Variants in VDR observed in about 807,000 individuals in gnomAD.
The protein encoded by VDR is vitamin D3 receptor.
Under a neutral mutation model 39.7 loss-of-function variants are expected in VDR, and 19 were observed. The ratio of observed to expected loss-of-function variants is 0.48; its 90% confidence interval spans 0.33 to 0.70. The LOEUF (loss-of-function observed/expected upper bound fraction) is 0.70, where lower values mean the gene tolerates loss of function less well. VDR is among the 30% of genes least tolerant of loss of function. VDR has a pLI of 0.02. For missense variants in VDR, 442 were observed against 570.5 expected (o/e 0.77, Z 2.29); for synonymous variants, 242 against 215.8 (o/e 1.12, Z -1.07).
chr12:47,859,338 C>T (rs148291621), intron 4 of VDR, among the ~76,000 whole-genome samples: 104 of 152,352 alleles, frequency 6.8e-4, no homozygotes, highest in African/African-American at 2.2e-3. Flanking sequence ...CTGATGACCA[C>T]GTCCAAACTA....
intron 1 of VDR, among the ~76,000 whole-genome samples, chr12:47,891,966 G>C (rs1946379412): frequency 6.6e-6 from 1 of 151,496 alleles, no homozygotes; most frequent in Non-Finnish European, 1.5e-5. Flanking sequence ...TGGGTGCCGA[G>C]GGGCTGGAGT....
chr12:47,857,374 G>A, intron 5 of VDR, 125 bp from the exon 6 acceptor site: 1 of 1,598,742 alleles, frequency 6.3e-7, no homozygotes, highest in South Asian at 1.1e-5. Context: ...AGTGCCAGGG[G>A]CAGAGCAGCC....
chr12:47,904,391 T>C (rs566782668), intron 1 of VDR, among the ~76,000 whole-genome samples: 1 of 146,414 alleles, frequency 6.8e-6, no homozygotes, highest in South Asian at 2.1e-4. Flanking sequence ...CCTCTGAACA[T>C]CTATTGACAG....
intron 3 of VDR, among the ~76,000 whole-genome samples, chr12:47,872,356 A>T (rs1239173940): frequency 6.6e-6 from 1 of 152,232 alleles, no homozygotes; most frequent in Non-Finnish European, 1.5e-5. Flanking sequence ...AGAAACTAGC[A>T]GAAAGAGGCA....
intron 1 of VDR, among the ~76,000 whole-genome samples, chr12:47,890,225 T>TTA (rs1946341977): frequency 6.6e-6 from 1 of 151,686 alleles, no homozygotes; most frequent in South Asian, 2.1e-4. Context: ...GTCAAGGAGC[T>TTA]TATCCCATAT....
chr12:47,884,879 T>C (rs1316101949), intron 1 of VDR, among the ~76,000 whole-genome samples: 1 of 151,982 alleles, frequency 6.6e-6, no homozygotes, highest in African/African-American at 2.4e-5. Flanking sequence ...TCTGGGAAAA[T>C]CCCATTCAAT....
At chr12:47,872,390 G>A (rs1565623586) in intron 3 of VDR, among the ~76,000 whole-genome samples, 2 of 152,208 alleles carry the variant, frequency 1.3e-5, no homozygotes, top group Non-Finnish European at 1.5e-5. Context: ...CTGAGAGTGG[G>A]TGAAAGTAGA....
intron 6 of VDR, 59 bp downstream of exon 6, chr12:47,857,070 G>T (rs1301375006): frequency 6.8e-6 from 11 of 1,610,684 alleles, no homozygotes; most frequent in South Asian, 1.1e-5. Context: ...CCCAGGGCAG[G>T]TGCGGTGGAC....
chr12:47,858,745 T>C (rs1193621796), intron 4 of VDR, among the ~76,000 whole-genome samples: 1 of 152,230 alleles, frequency 6.6e-6, no homozygotes, highest in African/African-American at 2.4e-5. Context: ...TGCCAGGGCA[T>C]CTGCCCACAG....
intron 3 of VDR, among the ~76,000 whole-genome samples, chr12:47,871,010 CA>C (rs1339114858): frequency 6.6e-6 from 1 of 152,052 alleles, no homozygotes; most frequent in Non-Finnish European, 1.5e-5. Context: ...GAGGCAGCAT[CA>C]GGGGGTTCTC....
intron 7 of VDR, among the ~76,000 whole-genome samples, chr12:47,853,042 G>T (rs1252688390): frequency 1.3e-5 from 2 of 152,310 alleles, no homozygotes; most frequent in East Asian, 3.9e-4. Context: ...TATTGTTTAT[G>T]TATTTTATGG....
At chr12:47,866,456 C>T (rs1156909131) in intron 3 of VDR, among the ~76,000 whole-genome samples, 4 of 152,154 alleles carry the variant, frequency 2.6e-5, no homozygotes, top group African/African-American at 7.2e-5. Context: ...TTTAATGAGC[C>T]GCTATGAGAA....
At position 47,844,872 on chromosome 12, in the gene VDR, C is replaced by T. The variant is rs998571898; in HGVS notation, c.1158G>A (p.Lys386=). 3 of 1,614,204 alleles carry T rather than the reference C, an allele frequency of 1.9e-6. No homozygotes were observed. Among genetic ancestry groups the T allele is most frequent in the Non-Finnish European group, 2.5e-6 (3 of 1,180,022 alleles). ...CATTGAGGCTGCGCAGGTCGGCTAG[C>T]TTCTGGATCATCTTGGCATAGAGCA... ...SHLLYAKMIQ[K]LADLRSLNEE... is the part of the protein sequence containing the mutation. Residue 386 remains lysine (K), a synonymous_variant, in exon 10 of 10, where the codon AAG becomes AAA. Transcript: ENST00000549336.
chr12:47,858,685 GA>G (rs374420235), intron 4 of VDR, among the ~76,000 whole-genome samples: 88 of 152,376 alleles, frequency 5.8e-4, no homozygotes, highest in African/African-American at 1.9e-3. Context: ...CTGACGGCAG[GA>G]GTGGGCACCA....
intron 1 of VDR, among the ~76,000 whole-genome samples, chr12:47,903,038 C>T (rs1352637717): frequency 1.3e-5 from 2 of 152,212 alleles, no homozygotes; most frequent in Non-Finnish European, 2.9e-5. Flanking sequence ...ACTATCAGGG[C>T]ACCCCAAACA....
chr12:47,899,841 A>G lies in VDR; in HGVS notation c.-84+5114T>C, dbSNP rs1050858340. On this transcript the variant is annotated intron_variant, in intron 1 of 9. Coordinates refer to ENST00000549336, the MANE Select transcript of VDR (RefSeq NM_000376.3). ...AGAGAACATAACTGTACTTACCCCA[A>G]AGAGAAGCTATGAGGATTGAGGGAG... 7.5e-6 allele frequency: 7 copies of G among 934,334 alleles called. No homozygotes were observed. The African/African-American group carries it at 1.2e-4, about 17-fold the overall frequency. 57.9% of individuals were successfully genotyped at this position (934,334 alleles called of 1,614,324 possible).
intron 1 of VDR, 184 bp downstream of exon 1, chr12:47,904,771 A>G: frequency 1.2e-6 from 1 of 802,786 alleles, no homozygotes; most frequent in Non-Finnish European, 2.0e-6. Flanking sequence ...CAGCTTTCTC[A>G]AACCTCAGTG....
At position 47,842,356 on chromosome 12, in the gene VDR, C is replaced by A. The variant is rs1028090043; in HGVS notation, c.*2390G>T. 6.6e-6 allele frequency: 1 copy of A among 152,408 alleles called. No individual in the cohort carries two copies. The highest frequency in any genetic ancestry group is 1.5e-5 in the Non-Finnish European group (1 of 68,060). The allele number at this position is 152,408 out of a possible 1,614,324, so 9.4% of individuals were successfully genotyped here. ...GACTTGCTCTTTCTGAAATCCAGGGCTTCCCCCAGGGACTGGGTCAGCCAC... is the reference window on the plus strand; with the variant it reads ...GACTTGCTCTTTCTGAAATCCAGGGATTCCCCCAGGGACTGGGTCAGCCAC... On this transcript the variant is annotated 3_prime_UTR_variant, in exon 10 of 10. Coordinates refer to ENST00000549336, the MANE Select transcript of VDR (RefSeq NM_000376.3).
Position 47,892,047 on chromosome 12 carries a change from A to G in VDR, c.-83-9273T>C, listed in dbSNP as rs544516479. Among the ~76,000 whole-genome samples the G allele has an allele frequency of 5.1e-4, 77 of 152,304 alleles. 1 individual carries two copies. The highest frequency in any genetic ancestry group is 1.8e-3 in the African/African-American group (73 of 41,576). ...CCCTGCCATGCCCCTTCACCTAGAC[A>G]TGGGGTGGGCTCTGGCTCAGTGGGC... On this transcript the variant is annotated intron_variant, in intron 1 of 9. Coordinates refer to ENST00000549336, the MANE Select transcript of VDR (RefSeq NM_000376.3).
Sources: gnomAD v4.1 joint callset for allele counts (sites outside exome capture counted in the v4.1 genomes callset) on GRCh38, gnomAD v4.1.1 for gene constraint, MANE v1.5 for transcripts, NCBI Gene and HGNC (gene_info 2026-07-23, HGNC 2026-07-21) for gene names.